The following PAN3 variants were observed in gnomAD, a reference collection of about 807,000 sequenced individuals.
PAN3 encodes the protein PAN2-PAN3 deadenylation complex subunit PAN3.
PAN3 carries 19 observed loss-of-function variants against 96.2 expected under a neutral mutation model. The observed-to-expected ratio is 0.20, with a 90% CI of 0.14 to 0.29. PAN3 has a LOEUF of 0.29. Among genes scored for constraint, PAN3 ranks in the 10% least tolerant of loss-of-function variants. PAN3 has a pLI of 1.00. For synonymous variants in PAN3, 433 were observed against 406.6 expected (o/e 1.06, Z -0.78); for missense variants, 882 against 1,108.1 (o/e 0.80, Z 2.90).
chr13:28,202,831 G>A (rs1251498939), intron 5 of PAN3, among the ~76,000 whole-genome samples: 1 of 152,116 alleles, frequency 6.6e-6, no homozygotes, highest in Non-Finnish European at 1.5e-5. Flanking sequence ...TATCCTGAAG[G>A]TATTAGGTTG....
At chr13:28,282,570 C>T (rs1318102450) in intron 17 of PAN3, among the ~76,000 whole-genome samples, 1 of 152,198 alleles carries the variant, frequency 6.6e-6, no homozygotes, top group Non-Finnish European at 1.5e-5. Flanking sequence ...GCTAATGACT[C>T]ATCCTCTTCC....
At chr13:28,165,155 C>T (rs569911441) in intron 1 of PAN3, among the ~76,000 whole-genome samples, 1 of 152,324 alleles carries the variant, frequency 6.6e-6, no homozygotes, top group East Asian at 1.9e-4. Flanking sequence ...ATCCTCCTGC[C>T]TTGGCCTCCC....
chr13:28,205,343 A>G (rs921443305), intron 5 of PAN3, among the ~76,000 whole-genome samples: 9 of 151,948 alleles, frequency 5.9e-5, no homozygotes, highest in Non-Finnish European at 1.3e-4. Flanking sequence ...TAAATGTACT[A>G]CTTTCTGTTC....
At chr13:28,271,858 A>T (rs1198375943) in intron 13 of PAN3, 123 bp from the exon 14 acceptor site, 1 of 585,122 alleles carries the variant, frequency 1.7e-6, no homozygotes, top group Non-Finnish European at 2.8e-6. Context: ...GTGGGGTAGG[A>T]TGGAAGTTAA....
intron 1 of PAN3, among the ~76,000 whole-genome samples, chr13:28,170,180 G>A (rs922976001): frequency 3.3e-5 from 5 of 152,102 alleles, no homozygotes; most frequent in African/African-American, 7.2e-5. Context: ...AGCATAAGTC[G>A]TCTTCTATCA....
intron 4 of PAN3, among the ~76,000 whole-genome samples, chr13:28,192,970 T>C (rs533133026): frequency 6.6e-6 from 1 of 152,226 alleles, no homozygotes; most frequent in Non-Finnish European, 1.5e-5. Flanking sequence ...CCTTAAATAG[T>C]ATTGATACCT....
chr13:28,197,042 G>A, intron 4 of PAN3, 143 bp from the exon 5 acceptor site: 1 of 972,666 alleles, frequency 1.0e-6, no homozygotes, highest in Non-Finnish European at 1.4e-6. Flanking sequence ...GTGGTGGGTG[G>A]TGGTAAGGAT....
At position 28,215,383 on chromosome 13, in the gene PAN3, A is replaced by G. The variant is rs556924521; in HGVS notation, c.853-4848A>G. 9.3e-6 allele frequency: 7 copies of G among 748,664 alleles called. No individual in the cohort carries two copies. In the African/African-American group the frequency reaches 1.0e-4, roughly 11 times the overall value. 46.4% of individuals were successfully genotyped at this position (748,664 alleles called of 1,614,324 possible). On this transcript the variant is annotated intron_variant, in intron 5 of 18. Coordinates refer to ENST00000380958, the MANE Select transcript of PAN3 (RefSeq NM_175854.8). ...CCAGTCAACGTTACAACTGAAGTCT[A>G]TTGAAATGCACCATGGAGCTTTGAG...
intron 4 of PAN3, among the ~76,000 whole-genome samples, chr13:28,194,152 A>T (rs1298356580): frequency 6.6e-6 from 1 of 151,258 alleles, no homozygotes; most frequent in Non-Finnish European, 1.5e-5. Flanking sequence ...GTCTCAAAAA[A>T]AAAAATAAAA....
rs1331778376 is a variant in PAN3, at chr13:28,293,241, A to G, written c.*719A>G. ...ATGTATAGCTCTTTCCTTCAAATTC[A>G]ACTAGAGCCTTTTTAAAAAGACATT... On this transcript the variant is annotated 3_prime_UTR_variant, in exon 19 of 19. Transcript: ENST00000380958. 1 of 152,172 alleles carries G rather than the reference A, an allele frequency of 6.6e-6. No homozygotes were observed. Among genetic ancestry groups the G allele is most frequent in the East Asian group, 1.9e-4 (1 of 5,202 alleles). The allele number at this position is 152,172 out of a possible 1,614,324, so 9.4% of individuals were successfully genotyped here.
At chr13:28,179,895 A>G (rs1875541071) in intron 4 of PAN3, among the ~76,000 whole-genome samples, 1 of 152,140 alleles carries the variant, frequency 6.6e-6, no homozygotes, top group Non-Finnish European at 1.5e-5. Flanking sequence ...AATTATTAGA[A>G]ATTGAGAATA....
Position 28,267,132 on chromosome 13 carries a change from C to T in PAN3, c.1611C>T (p.Val537=), listed in dbSNP as rs367774169. The part of the protein sequence containing the change: ...RLVNTKCMVL[V]DMWKKIQHSN... ...TTAACACAAAGTGCATGGTGTTGGT[C>T]GACATGTGGAAGAAAATTCAACACT... Residue 537 remains valine (V), a synonymous_variant, in exon 11 of 19, where the codon GTC becomes GTT. Transcript: ENST00000380958. 59 of 1,612,560 alleles carry T rather than the reference C, an allele frequency of 3.7e-5. No homozygotes were observed. The East Asian group carries it at 4.2e-4, about 12-fold the overall frequency.
At chr13:28,149,071 T>C (rs986328354) in intron 1 of PAN3, among the ~76,000 whole-genome samples, 1 of 151,692 alleles carries the variant, frequency 6.6e-6, no homozygotes, top group African/African-American at 2.4e-5. Context: ...AAAAAAACAC[T>C]GTGTGGGGTG....
intron 6 of PAN3, among the ~76,000 whole-genome samples, chr13:28,253,996 T>C (rs1884948395): frequency 6.6e-6 from 1 of 152,166 alleles, no homozygotes; most frequent in Admixed American, 6.5e-5. Context: ...TGAAGAGAGA[T>C]TCTACTTTTT....
chr13:28,215,416 C>T, intron 5 of PAN3: 1 of 717,864 alleles, frequency 1.4e-6, no homozygotes, highest in Non-Finnish European at 2.6e-6. Flanking sequence ...GAGTGAAGCT[C>T]TTCTTGGAGA....
chr13:28,238,628 C>CT (rs978147124), intron 6 of PAN3, among the ~76,000 whole-genome samples: 2 of 151,982 alleles, frequency 1.3e-5, no homozygotes, highest in African/African-American at 2.4e-5. Context: ...AGCATTGATA[C>CT]TTTTTTTAAT....
intron 6 of PAN3, among the ~76,000 whole-genome samples, chr13:28,248,148 T>C (rs976470033): frequency 6.6e-6 from 1 of 152,194 alleles, no homozygotes. Flanking sequence ...TGGTTAAATT[T>C]ATTCCTAGAT....
At chr13:28,290,170 C>A (rs1434733024) in intron 18 of PAN3, among the ~76,000 whole-genome samples, 3 of 152,100 alleles carry the variant, frequency 2.0e-5, no homozygotes, top group Non-Finnish European at 4.4e-5. Flanking sequence ...ACCGTCTGAC[C>A]CTTTATAGAA....
chr13:28,169,659 T>A (rs1874046636), intron 1 of PAN3, among the ~76,000 whole-genome samples: 1 of 152,226 alleles, frequency 6.6e-6, no homozygotes, highest in South Asian at 2.1e-4. Context: ...GATTTTTTCC[T>A]AACTGCACTC....
Sources: gnomAD v4.1 joint callset for allele counts (sites outside exome capture counted in the v4.1 genomes callset) on GRCh38, gnomAD v4.1.1 for gene constraint, MANE v1.5 for transcripts, NCBI Gene and HGNC (gene_info 2026-07-23, HGNC 2026-07-21) for gene names.